The following XKR4 variants were observed in gnomAD, a reference collection of about 807,000 sequenced individuals.
The protein encoded by XKR4 is XK-related protein 4.
In XKR4, 12 loss-of-function variants were observed where a neutral mutation model predicts 53.9. That is an observed-to-expected ratio of 0.22 (90% CI 0.14 to 0.36). The LOEUF is 0.36. Among genes scored for constraint, XKR4 ranks in the 10% least tolerant of loss-of-function variants. The pLI, the probability that XKR4 is intolerant of heterozygous loss-of-function variation, is 1.00. For missense variants in XKR4, 799 were observed against 859.5 expected, an observed-to-expected ratio of 0.93 and a Z score of 0.88; for synonymous variants, 354 against 362.4, an observed-to-expected ratio of 0.98 and a Z score of 0.26.
Position 55,366,559 on chromosome 8 carries a change from C to G in XKR4, c.1006+8682C>G, listed in dbSNP as rs527266435. ...CTACCTTATGTCCCCCTTGAAATTCCGTTTCCTGCTCCAAAATGAACTGCT... is the reference window on the plus strand; with the variant it reads ...CTACCTTATGTCCCCCTTGAAATTCGGTTTCCTGCTCCAAAATGAACTGCT... On this transcript the variant is annotated intron_variant, in intron 2 of 2. Coordinates refer to ENST00000327381, the MANE Select transcript of XKR4 (RefSeq NM_052898.2). Among the ~76,000 whole-genome samples, 5 of 152,312 alleles carry G rather than the reference C, an allele frequency of 3.3e-5. No individual in the cohort carries two copies. In the South Asian group the frequency reaches 1.0e-3, roughly 32 times the overall value.
rs1323681313 is a variant in XKR4, at chr8:55,537,917, T to C, written c.*13690T>C. Reference sequence around the variant, plus strand: ...ACCTTCATGTTACCAACAGGATGTTTAGTTGAATCAGCAACAAAGACGTGA... The same window carrying C: ...ACCTTCATGTTACCAACAGGATGTTCAGTTGAATCAGCAACAAAGACGTGA... On this transcript the variant is annotated 3_prime_UTR_variant, in exon 3 of 3. Coordinates refer to ENST00000327381, the MANE Select transcript of XKR4 (RefSeq NM_052898.2). 1 of 152,208 alleles carries C rather than the reference T, an allele frequency of 6.6e-6. No individual in the cohort carries two copies. The highest frequency in any genetic ancestry group is 1.5e-5 in the Non-Finnish European group (1 of 68,036). The allele number at this position is 152,208 out of a possible 1,614,324, so 9.4% of individuals were successfully genotyped here.
At chr8:55,431,375 TTCA>T (rs1805102148) in intron 2 of XKR4, among the ~76,000 whole-genome samples, 2 of 152,188 alleles carry the variant, frequency 1.3e-5, no homozygotes, top group Non-Finnish European at 2.9e-5. Flanking sequence ...GAGAATTTAT[TTCA>T]CATTAAAGGG....
intron 2 of XKR4, among the ~76,000 whole-genome samples, chr8:55,513,138 G>A (rs998290238): frequency 2.6e-5 from 4 of 152,232 alleles, no homozygotes; most frequent in East Asian, 1.9e-4. Flanking sequence ...CCAAGTCCAC[G>A]AAGCATGAAT....
At chr8:55,225,763 C>T (rs1005561306) in intron 1 of XKR4, among the ~76,000 whole-genome samples, 4 of 152,168 alleles carry the variant, frequency 2.6e-5, no homozygotes, top group South Asian at 2.1e-4. Flanking sequence ...ATGGTGCTGA[C>T]GATTGTTTCC....
intron 2 of XKR4, among the ~76,000 whole-genome samples, chr8:55,507,662 T>C (rs1035006151): frequency 7.2e-5 from 11 of 152,140 alleles, no homozygotes; most frequent in Non-Finnish European, 1.2e-4. Flanking sequence ...TCCATGTCCC[T>C]GCAAAGGACA....
intron 1 of XKR4, chr8:55,272,896 T>G (rs1046458253): frequency 2.2e-6 from 1 of 454,364 alleles, no homozygotes; most frequent in Non-Finnish European, 4.4e-6. Flanking sequence ...AAATTATTCA[T>G]GTCTGGAGAT....
chr8:55,476,097 T>C (rs1008693401), intron 2 of XKR4, among the ~76,000 whole-genome samples: 1 of 152,054 alleles, frequency 6.6e-6, no homozygotes, highest in African/African-American at 2.4e-5. Flanking sequence ...AAAAACATGC[T>C]GATATCGGGA....
At chr8:55,389,594 C>T (rs745664566) in intron 2 of XKR4, among the ~76,000 whole-genome samples, 1 of 152,146 alleles carries the variant, frequency 6.6e-6, no homozygotes. Flanking sequence ...AGAAGGAATA[C>T]AGATATACCA....
chr8:55,289,788 GGA>G (rs994915891), intron 1 of XKR4, among the ~76,000 whole-genome samples: 75 of 132,178 alleles, frequency 5.7e-4, no homozygotes, highest in South Asian at 2.0e-3. Context: ...AGAGGGAGGG[GGA>G]GAGAGAGAGA....
intron 2 of XKR4, among the ~76,000 whole-genome samples, chr8:55,510,904 T>C (rs1013030197): frequency 6.6e-6 from 1 of 152,186 alleles, no homozygotes; most frequent in Admixed American, 6.5e-5. Context: ...GCTGGGCCAC[T>C]TCTGAGCCCT....
intron 1 of XKR4, among the ~76,000 whole-genome samples, chr8:55,121,001 G>A (rs1816383728): frequency 6.6e-6 from 1 of 152,102 alleles, no homozygotes; most frequent in Admixed American, 6.6e-5. Flanking sequence ...CTTTCACTTA[G>A]CAGTATGCAT....
At chr8:55,345,219 G>A (rs1397616582) in intron 1 of XKR4, among the ~76,000 whole-genome samples, 1 of 152,024 alleles carries the variant, frequency 6.6e-6, no homozygotes, top group African/African-American at 2.4e-5. Flanking sequence ...ACTTGAACTC[G>A]GGAGGCAGAG....
chr8:55,464,079 C>G (rs139226987), intron 2 of XKR4, among the ~76,000 whole-genome samples: 1,620 of 152,258 alleles, frequency 0.011, 35 homozygotes, highest in African/African-American at 0.038. Context: ...CCTTCTGAAA[C>G]TATTCCAATC....
intron 2 of XKR4, among the ~76,000 whole-genome samples, chr8:55,372,634 A>G (rs2129386306): frequency 6.6e-6 from 1 of 151,944 alleles, no homozygotes; most frequent in African/African-American, 2.4e-5. Context: ...TGGGTGGGTA[A>G]GGGAAGCTCC....
chr8:55,243,546 T>A (rs1818239893), intron 1 of XKR4, among the ~76,000 whole-genome samples: 1 of 152,256 alleles, frequency 6.6e-6, no homozygotes, highest in South Asian at 2.1e-4. Context: ...TACAAGTTTT[T>A]GTGTGGACAT....
chr8:55,481,780 A>C (rs1806111830), intron 2 of XKR4, among the ~76,000 whole-genome samples: 1 of 152,174 alleles, frequency 6.6e-6, no homozygotes, highest in Non-Finnish European at 1.5e-5. Context: ...ATGCAGCCAA[A>C]AGACACATGA....
At chr8:55,314,415 C>T (rs902231916) in intron 1 of XKR4, among the ~76,000 whole-genome samples, 2 of 152,094 alleles carry the variant, frequency 1.3e-5, no homozygotes, top group Non-Finnish European at 1.5e-5. Context: ...CCTGAGGCCC[C>T]CCCATCGCTG....
At chr8:55,442,513 G>A (rs766330239) in intron 2 of XKR4, among the ~76,000 whole-genome samples, 3 of 152,102 alleles carry the variant, frequency 2.0e-5, no homozygotes, top group South Asian at 4.1e-4. Context: ...GAACACATAC[G>A]TTTCAGAAAA....
intron 2 of XKR4, among the ~76,000 whole-genome samples, chr8:55,443,530 T>TAAAAAAAAAAAAAA (rs751152509): frequency 5.4e-5 from 4 of 74,008 alleles, no homozygotes; most frequent in African/African-American, 1.9e-4. Context: ...TCAGTTACAT[T>TAAAAAAAAAAAAAA]AAAAAAAAAA....
Sources: gnomAD v4.1 joint callset for allele counts (sites outside exome capture counted in the v4.1 genomes callset) on GRCh38, gnomAD v4.1.1 for gene constraint, MANE v1.5 for transcripts, NCBI Gene and HGNC (gene_info 2026-07-23, HGNC 2026-07-21) for gene names.